PDZD8: variants seen among roughly 807,000 people sequenced by gnomAD.
PDZD8 encodes PDZ domain containing 8.
Under a neutral mutation model 85.8 loss-of-function variants are expected in PDZD8, and 14 were observed. The ratio of observed to expected loss-of-function variants is 0.16; its 90% CI spans 0.11 to 0.26. The LOEUF (loss-of-function observed/expected upper bound fraction) is 0.26, where lower values mean the gene tolerates loss of function less well. Ranked by LOEUF, PDZD8 falls within the 10% of genes least tolerant of loss-of-function variation. The pLI is 1.00. For synonymous variants in PDZD8, 592 were observed against 568.6 expected (o/e 1.04, Z -0.59); for missense variants, 1,197 against 1,424.3 (o/e 0.84, Z 2.57).
chr10:117,360,696 A>G (rs1453937941), intron 1 of PDZD8, among the ~76,000 whole-genome samples: 2 of 151,860 alleles, frequency 1.3e-5, no homozygotes, highest in Non-Finnish European at 2.9e-5. Flanking sequence ...AAACTGTAAC[A>G]AATCCACTCA....
rs1248013192 is a variant in PDZD8 at position 117,284,825 on chromosome 10, T to C, written c.1908A>G (p.Ala636=). ...CATCGTCTATGGCATCCACATTTTT[T>C]GCTTGCTTTTCAGCAGATTTATCTA... is the stretch of plus-strand genomic sequence containing the variant. ...PLVDKSAEKQ[A]KNVDAIDDAA... Residue 636 remains alanine, a synonymous_variant, in exon 5 of 5, where the codon GCA becomes GCG. Coordinates refer to ENST00000334464, the MANE Select transcript of PDZD8 (RefSeq NM_173791.5). 3 of 1,614,214 alleles carry C rather than the reference T, an allele frequency of 1.9e-6. No individual in the cohort carries two copies. The highest frequency in any genetic ancestry group is 2.5e-6 in the Non-Finnish European group (3 of 1,180,038).
At chr10:117,285,954 G>C (rs1176994156) in intron 4 of PDZD8, among the ~76,000 whole-genome samples, 3 of 152,188 alleles carry the variant, frequency 2.0e-5, no homozygotes, top group Non-Finnish European at 2.9e-5. Flanking sequence ...TAAGAGAGCA[G>C]TGCTTGAAAA....
In PDZD8 at chr10:117,283,350, T is replaced by C. The variant is rs774277718; in HGVS notation, c.3383A>G (p.Asp1128Gly). 1.2e-6 allele frequency: 2 copies of C among 1,614,158 alleles called. No individual in the cohort carries two copies. Among genetic ancestry groups the C allele is most frequent in the South Asian group, 1.1e-5 (1 of 91,082 alleles). ...GTCTATTAGTTGGCTTATTTCATTA[T>C]CAAGGTCTTCTTCTGTATCATCTGT... is the stretch of plus-strand genomic sequence containing the variant. ...KYTDDTEEDL[D>G]NEISQLIDSQ... The change falls in exon 5 of 5, where the codon GAT (aspartate) becomes GGT (glycine). Residue 1128 changes from aspartate to glycine, a missense_variant. By Grantham distance (94) the Asp-to-Gly change is moderately conservative (BLOSUM62 -1). Around this residue, in one of 4 missense-constraint regions of PDZD8, gnomAD observed 418 missense variants for 571.1 expected, o/e 0.73. Transcript: ENST00000334464.
intron 2 of PDZD8, among the ~76,000 whole-genome samples, chr10:117,334,949 T>G (rs1844492096): frequency 1.4e-5 from 2 of 146,958 alleles, no homozygotes; most frequent in African/African-American, 2.5e-5. Flanking sequence ...ATAAGAGAGG[T>G]GGGAAAAAAA....
At chr10:117,364,195 TGTGTGTGTGTGTGAGA>T (rs1845046929) in intron 1 of PDZD8, among the ~76,000 whole-genome samples, 1 of 151,742 alleles carries the variant, frequency 6.6e-6, no homozygotes, top group African/African-American at 2.4e-5. Flanking sequence ...TGTGTGTGTG[TGTGTGTGTGTGTGAGA>T]GTGTGTGTGT....
chr10:117,349,969 T>TTC (rs1278497891), intron 1 of PDZD8, among the ~76,000 whole-genome samples: 1 of 152,160 alleles, frequency 6.6e-6, no homozygotes, highest in African/African-American at 2.4e-5. Context: ...TGTCTAAAGC[T>TTC]TCTGACTCAA....
chr10:117,318,090 T>G (rs1472052997), intron 3 of PDZD8, among the ~76,000 whole-genome samples: 1 of 152,226 alleles, frequency 6.6e-6, no homozygotes, highest in Non-Finnish European at 1.5e-5. Flanking sequence ...TAGTTGTCCA[T>G]TAAAGACTTA....
At chr10:117,338,222 G>A (rs533473396) in intron 2 of PDZD8, among the ~76,000 whole-genome samples, 1 of 152,164 alleles carries the variant, frequency 6.6e-6, no homozygotes, top group Non-Finnish European at 1.5e-5. Flanking sequence ...AAGCAGGAAT[G>A]AGTTGAGACT....
chr10:117,290,093 T>C (rs1038173928), intron 4 of PDZD8, 93 bp downstream of exon 4: 5 of 1,145,802 alleles, frequency 4.4e-6, no homozygotes, highest in Middle Eastern at 2.5e-4. Context: ...ATGCATATTA[T>C]AGAAATAAGG....
At chr10:117,373,685 CAGGAG>C (rs1406831730) in intron 1 of PDZD8, among the ~76,000 whole-genome samples, 1 of 150,418 alleles carries the variant, frequency 6.6e-6, no homozygotes, top group African/African-American at 2.5e-5. Context: ...GAGGCTGAGG[CAGGAG>C]AATCGCTCGA....
intron 2 of PDZD8, among the ~76,000 whole-genome samples, chr10:117,328,093 A>T (rs1484737458): frequency 6.6e-6 from 1 of 152,164 alleles, no homozygotes; most frequent in Admixed American, 6.5e-5. Context: ...AAAAAAAATT[A>T]TTTCTTAGGA....
At chr10:117,332,567 C>T (rs1011202965) in intron 2 of PDZD8, among the ~76,000 whole-genome samples, 11 of 144,490 alleles carry the variant, frequency 7.6e-5, no homozygotes, top group African/African-American at 1.0e-4. Context: ...AGTGCAATGG[C>T]GCCATCTTGA....
intron 1 of PDZD8, among the ~76,000 whole-genome samples, chr10:117,346,070 G>A (rs184911210): frequency 4.0e-5 from 6 of 151,836 alleles, no homozygotes; most frequent in Admixed American, 1.3e-4. Context: ...ATGAAATCCC[G>A]TCTCTACTAA....
intron 3 of PDZD8, among the ~76,000 whole-genome samples, chr10:117,296,816 A>C (rs1185056738): frequency 1.3e-5 from 2 of 152,132 alleles, no homozygotes; most frequent in Non-Finnish European, 2.9e-5. Flanking sequence ...AAACTTAAGG[A>C]CTAAAACTAT....
chr10:117,338,997 T>C, intron 2 of PDZD8, among the ~76,000 whole-genome samples: 1 of 152,138 alleles, frequency 6.6e-6, no homozygotes, highest in African/African-American at 2.4e-5. Flanking sequence ...TGTATTTTAC[T>C]GTACACTGCA....
intron 2 of PDZD8, among the ~76,000 whole-genome samples, chr10:117,334,566 C>T (rs1318156439): frequency 6.6e-6 from 1 of 151,802 alleles, no homozygotes; most frequent in African/African-American, 2.4e-5. Flanking sequence ...TTTAGCAGAT[C>T]AAGGCTTCAA....
rs1589991168 is a variant in PDZD8, at chr10:117,281,774, G to A, written c.*1494C>T. ...TTAAACTCTTTTATGGAGTCCTGGA[G>A]TCTAGACCTGGGCCCCAGTCCTTAA... On this transcript the variant is annotated 3_prime_UTR_variant, in exon 5 of 5. Transcript: ENST00000334464. 6.6e-6 allele frequency: 1 copy of A among 152,288 alleles called. No individual in the cohort carries two copies. The highest frequency in any genetic ancestry group is 1.5e-5 in the Non-Finnish European group (1 of 68,038). The allele number at this position is 152,288 out of a possible 1,614,324, so 9.4% of individuals were successfully genotyped here.
intron 1 of PDZD8, among the ~76,000 whole-genome samples, chr10:117,371,294 C>T (rs1845186328): frequency 6.6e-6 from 1 of 152,252 alleles, no homozygotes; most frequent in Admixed American, 6.5e-5. Context: ...AAGCCATTTT[C>T]CTGCCTCAGC....
intron 1 of PDZD8, among the ~76,000 whole-genome samples, chr10:117,350,646 G>A (rs1274192769): frequency 6.6e-6 from 1 of 150,940 alleles, no homozygotes; most frequent in Non-Finnish European, 1.5e-5. Context: ...GCTCACGCCT[G>A]TAATCCCAGC....
Sources: allele counts gnomAD v4.1 joint callset (sites outside exome capture counted in the v4.1 genomes callset), GRCh38; gene constraint gnomAD v4.1.1; regional missense constraint gnomAD v4.1.1; transcripts MANE v1.5; gene names NCBI Gene and HGNC (gene_info 2026-07-23, HGNC 2026-07-21).